Variants in HECW1 observed in about 807,000 individuals in gnomAD.
HECW1 encodes the protein HECT, C2 and WW domain containing E3 ubiquitin protein ligase 1.
In HECW1, 61 loss-of-function variants were observed where a neutral mutation model predicts 182.3. The ratio of observed to expected loss-of-function variants is 0.33; its 90% CI spans 0.27 to 0.41. The LOEUF is 0.41. Among genes scored for constraint, HECW1 ranks in the 10% least tolerant of loss-of-function variants. The pLI is 1.00. For missense variants in HECW1, 1,739 were observed against 2,108.9 expected (o/e 0.82, Z 3.44); for synonymous variants, 859 against 832.6 (o/e 1.03, Z -0.55).
rs1423203611 is a variant in HECW1 at position 43,396,634 on chromosome 7, A to G, written c.556-180A>G. The G allele has an allele frequency of 1.1e-5, 6 of 539,732 alleles. No homozygotes were observed. In the East Asian group the frequency reaches 1.8e-4, roughly 17 times the overall value. The allele number at this position is 539,732 out of a possible 1,614,324, so 33.4% of individuals were successfully genotyped here. ...CATCACCCCCACTAGCAGATCCTCT[A>G]CTACTGGGAAAAACATTAGGTTGCT... is the stretch of plus-strand genomic sequence containing the variant. On this transcript the variant is annotated intron_variant, in intron 6 of 29. Coordinates refer to ENST00000395891, the MANE Select transcript of HECW1 (RefSeq NM_015052.5).
At position 43,552,299 on chromosome 7, in the gene HECW1, C is replaced by A. The variant is rs746040112; in HGVS notation, c.4473C>A (p.Asp1491Glu). The A allele has an allele frequency of 3.1e-6, 5 of 1,613,772 alleles. No homozygotes were observed. In the Admixed American group the frequency reaches 8.3e-5, roughly 27 times the overall value. ...TGATAGCTGGCACCGCGGAAATCGA[C>A]CTAAATGACTGGCGGAATAACACTG... ...ELVIAGTAEI[D>E]LNDWRNNTEY... The change falls in exon 28 of 30, where the codon GAC (aspartate) becomes GAA (glutamate). Residue 1491 changes from aspartate (D) to glutamate (E), a missense_variant. Transcript: ENST00000395891.
intron 2 of HECW1, among the ~76,000 whole-genome samples, chr7:43,128,046 T>G (rs2152616074): frequency 6.6e-6 from 1 of 152,204 alleles, no homozygotes; most frequent in Non-Finnish European, 1.5e-5. Flanking sequence ...ATTGGGCTAA[T>G]TTTTTGATTT....
intron 2 of HECW1, among the ~76,000 whole-genome samples, chr7:43,220,038 C>T (rs1012858934): frequency 1.8e-4 from 27 of 152,204 alleles, no homozygotes; most frequent in African/African-American, 5.8e-4. Context: ...CAAGTCAACA[C>T]GGTCCCCCAC....
At chr7:43,375,320 A>G (rs2074281911) in intron 6 of HECW1, among the ~76,000 whole-genome samples, 1 of 152,190 alleles carries the variant, frequency 6.6e-6, no homozygotes, top group African/African-American at 2.4e-5. Flanking sequence ...TCTCTACTGT[A>G]CCAGTTGTCA....
At chr7:43,142,987 G>A (rs1228218297) in intron 2 of HECW1, among the ~76,000 whole-genome samples, 1 of 152,200 alleles carries the variant, frequency 6.6e-6, no homozygotes, top group Non-Finnish European at 1.5e-5. Context: ...CCAGACTGGA[G>A]AGTGGTAGGC....
intron 29 of HECW1, 79 bp downstream of exon 29, chr7:43,554,869 A>G (rs1293904648): frequency 1.0e-5 from 13 of 1,304,654 alleles, no homozygotes; most frequent in Non-Finnish European, 1.4e-5. Flanking sequence ...TTGAGTGACC[A>G]TCCTTTGGGA....
intron 16 of HECW1, among the ~76,000 whole-genome samples, chr7:43,476,648 A>G (rs1231367659): frequency 2.0e-5 from 3 of 152,290 alleles, no homozygotes; most frequent in African/African-American, 7.2e-5. Flanking sequence ...TGGAGCAAAT[A>G]AAATATCCTG....
intron 2 of HECW1, among the ~76,000 whole-genome samples, chr7:43,202,843 C>G (rs1795136705): frequency 6.6e-6 from 1 of 152,178 alleles, no homozygotes; most frequent in Non-Finnish European, 1.5e-5. Context: ...GATGACATTA[C>G]CTTGTGAAAT....
chr7:43,455,097 G>C (rs11980717), intron 12 of HECW1, among the ~76,000 whole-genome samples: 1,555 of 152,230 alleles, frequency 0.01, 29 homozygotes, highest in African/African-American at 0.036. Context: ...ATTATGTAGT[G>C]AATCATCCAT....
At chr7:43,328,143 C>T (rs1301946728) in intron 5 of HECW1, among the ~76,000 whole-genome samples, 1 of 151,694 alleles carries the variant, frequency 6.6e-6, no homozygotes, top group East Asian at 1.9e-4. Flanking sequence ...CAAAGTGAGA[C>T]CTCCATCTCT....
chr7:43,371,628 C>T (rs532297945), intron 6 of HECW1, among the ~76,000 whole-genome samples: 184 of 152,088 alleles, frequency 1.2e-3, no homozygotes, highest in Middle Eastern at 6.8e-3. Flanking sequence ...CAAAATTTAT[C>T]TTGGGCATAT....
intron 2 of HECW1, among the ~76,000 whole-genome samples, chr7:43,237,079 G>C (rs1329887391): frequency 1.3e-5 from 2 of 150,134 alleles, no homozygotes; most frequent in South Asian, 4.3e-4. Context: ...AGGAGGGAGG[G>C]AGGGAGGAAG....
chr7:43,176,252 C>T (rs1022249027), intron 2 of HECW1, among the ~76,000 whole-genome samples: 1 of 152,046 alleles, frequency 6.6e-6, no homozygotes, highest in African/African-American at 2.4e-5. Context: ...TCTCCTTTTG[C>T]TCTGCCATAT....
At chr7:43,523,310 C>T (rs776761018) in intron 24 of HECW1, among the ~76,000 whole-genome samples, 46 of 152,274 alleles carry the variant, frequency 3.0e-4, no homozygotes, top group South Asian at 2.1e-4. Flanking sequence ...TGGCCTTGCT[C>T]GTATTTTTAA....
At chr7:43,365,968 T>C (rs1404381351) in intron 6 of HECW1, among the ~76,000 whole-genome samples, 1 of 152,054 alleles carries the variant, frequency 6.6e-6, no homozygotes, top group African/African-American at 2.4e-5. Context: ...GCCAGCATGG[T>C]GGTGCATGTC....
intron 2 of HECW1, among the ~76,000 whole-genome samples, chr7:43,165,684 AT>A (rs963266759): frequency 2.4e-4 from 36 of 151,746 alleles, no homozygotes; most frequent in Non-Finnish European, 3.7e-4. Flanking sequence ...AATCACTTAG[AT>A]TTTTTTTTAG....
intron 2 of HECW1, among the ~76,000 whole-genome samples, chr7:43,180,768 T>C (rs982395007): frequency 4.3e-4 from 65 of 152,354 alleles, no homozygotes; most frequent in African/African-American, 1.5e-3. Flanking sequence ...TCTCAGTACA[T>C]GTGCACATTG....
intron 2 of HECW1, among the ~76,000 whole-genome samples, chr7:43,181,044 C>A (rs1333614565): frequency 1.3e-5 from 2 of 151,942 alleles, no homozygotes; most frequent in Admixed American, 6.5e-5. Context: ...ATTCTACTCT[C>A]TTCTTCTATG....
intron 2 of HECW1, among the ~76,000 whole-genome samples, chr7:43,217,476 G>T (rs1015822356): frequency 1.3e-5 from 2 of 152,182 alleles, no homozygotes; most frequent in Non-Finnish European, 2.9e-5. Flanking sequence ...AAATTAATGA[G>T]AGATACTGTT....
Sources: allele counts gnomAD v4.1 joint callset (sites outside exome capture counted in the v4.1 genomes callset), GRCh38; gene constraint gnomAD v4.1.1; transcripts MANE v1.5; gene names NCBI Gene and HGNC (gene_info 2026-07-23, HGNC 2026-07-21).